The following TFDP2 variants were observed in gnomAD, a reference collection of about 807,000 sequenced individuals.
TFDP2 encodes the protein transcription factor Dp-2, also known as transcription factor Dp-2 (E2F dimerization partner 2).
TFDP2 carries 17 observed loss-of-function variants against 59.3 expected under a neutral mutation model. The ratio of observed to expected loss-of-function variants is 0.29; its 90% confidence interval spans 0.20 to 0.43. The LOEUF is 0.43. Among genes scored for constraint, TFDP2 ranks in the 20% least tolerant of loss-of-function variants. The probability of loss-of-function intolerance (pLI) is 1.00; values close to 1 mark genes in which losing one functional copy is unlikely to be tolerated. For missense variants in TFDP2, 391 were observed against 528.8 expected, an observed-to-expected ratio of 0.74 and a Z score of 2.56; for synonymous variants, 180 against 194.7, an observed-to-expected ratio of 0.92 and a Z score of 0.63.
rs1935856473 is a variant in TFDP2 at position 141,950,723 on chromosome 3, G to A, written c.*1790C>T. 1 of 152,588 alleles carries A rather than the reference G, an allele frequency of 6.6e-6. No homozygotes were observed. 9.5% of individuals were successfully genotyped at this position (152,588 alleles called of 1,614,324 possible). On this transcript the variant is annotated 3_prime_UTR_variant, in exon 13 of 13. Transcript: ENST00000489671. ...GCCCCTTAAAGGACAGTTTGGTTTG[G>A]AGGGAAATCCCAATCCGTGCAGCTG...
intron 3 of TFDP2, among the ~76,000 whole-genome samples, chr3:142,053,164 T>G (rs753626080): frequency 1.3e-5 from 2 of 152,174 alleles, no homozygotes. Flanking sequence ...ATTGAAAAAC[T>G]GCACATTAAG....
At chr3:142,116,028 A>G (rs2061842584) in intron 1 of TFDP2, among the ~76,000 whole-genome samples, 1 of 151,900 alleles carries the variant, frequency 6.6e-6, no homozygotes, top group African/African-American at 2.4e-5. Flanking sequence ...AAGTTGGGCT[A>G]CGGGTAAATG....
intron 3 of TFDP2, among the ~76,000 whole-genome samples, chr3:142,032,100 CT>C (rs1215703721): frequency 9.9e-5 from 14 of 141,628 alleles, no homozygotes; most frequent in African/African-American, 1.0e-4. Context: ...CTCTCTCTCT[CT>C]TTTTTTTTTA....
intron 1 of TFDP2, among the ~76,000 whole-genome samples, chr3:142,146,760 GGA>G (rs2063194661): frequency 6.6e-6 from 1 of 152,140 alleles, no homozygotes; most frequent in Admixed American, 6.5e-5. Flanking sequence ...AGTTCTGTGA[GGA>G]GATGTGAATG....
At chr3:141,975,950 A>G (rs993087855) in intron 7 of TFDP2, among the ~76,000 whole-genome samples, 2 of 151,574 alleles carry the variant, frequency 1.3e-5, no homozygotes, top group African/African-American at 4.8e-5. Flanking sequence ...GTGAGATCTC[A>G]GCTCACTGCA....
At chr3:142,003,064 G>A (rs539883712) in intron 4 of TFDP2, among the ~76,000 whole-genome samples, 49 of 151,370 alleles carry the variant, frequency 3.2e-4, no homozygotes, top group African/African-American at 1.0e-3. Flanking sequence ...GTACAGTGCC[G>A]CGATCTCTGC....
rs956609826 is a variant in TFDP2, at chr3:141,950,243, G to A, written c.*2270C>T. ...TGAACAGCTCAACCTAGTTTCTAAA[G>A]GCAAGATTTTACTCCAGCGACATGT... On this transcript the variant is annotated 3_prime_UTR_variant, in exon 13 of 13. Coordinates refer to ENST00000489671, the MANE Select transcript of TFDP2 (RefSeq NM_001178139.2). 6.6e-6 allele frequency: 1 copy of A among 152,144 alleles called. No homozygotes were observed. The highest frequency in any genetic ancestry group is 1.5e-5 in the Non-Finnish European group (1 of 68,050). The allele number at this position is 152,144 out of a possible 1,614,324, so 9.4% of individuals were successfully genotyped here.
rs201208564 is a variant in TFDP2, at chr3:142,074,776, C to T, written c.82+18285G>A. ...CTGAGGCATGAGAATCACTTGAACC[C>T]GGGAGGCAGAGGTTGCAGTGAGCCG... On this transcript the variant is annotated intron_variant, in intron 3 of 12. Coordinates refer to ENST00000489671, the MANE Select transcript of TFDP2 (RefSeq NM_001178139.2). Among the ~76,000 whole-genome samples the T allele has an allele frequency of 1.7e-4, 26 of 152,192 alleles. No homozygotes were observed. The East Asian group carries it at 4.4e-3, about 26-fold the overall frequency.
chr3:142,147,070 A>AG (rs2063207338), intron 1 of TFDP2, among the ~76,000 whole-genome samples: 2 of 151,982 alleles, frequency 1.3e-5, no homozygotes, highest in South Asian at 4.2e-4. Flanking sequence ...AAAAAAAAAA[A>AG]AAAAAGAATT....
At chr3:142,043,651 A>C (rs940132566) in intron 3 of TFDP2, 8 of 939,628 alleles carry the variant, frequency 8.5e-6, no homozygotes, top group Non-Finnish European at 1.1e-5. Flanking sequence ...CTCCTTAGAC[A>C]AAGTCTTGAT....
intron 3 of TFDP2, among the ~76,000 whole-genome samples, chr3:142,055,094 T>C (rs2059695055): frequency 1.3e-5 from 2 of 152,206 alleles, no homozygotes; most frequent in South Asian, 4.1e-4. Context: ...ACATCCACTT[T>C]TGATCCTGCA....
At chr3:142,114,139 C>T (rs62284572) in intron 1 of TFDP2, among the ~76,000 whole-genome samples, 23,053 of 150,516 alleles carry the variant, frequency 0.15, 1,969 homozygotes, top group East Asian at 0.24. Context: ...CACTCCAGCC[C>T]GGGCGACAAA....
chr3:142,148,579 T>C (rs1577089522), intron 1 of TFDP2, among the ~76,000 whole-genome samples: 1 of 152,198 alleles, frequency 6.6e-6, no homozygotes, highest in Admixed American at 6.5e-5. Flanking sequence ...CACAGGCTGG[T>C]AAGAGAGACT....
intron 3 of TFDP2, among the ~76,000 whole-genome samples, chr3:142,061,144 T>C (rs1180797844): frequency 6.6e-6 from 1 of 152,202 alleles, no homozygotes; most frequent in Non-Finnish European, 1.5e-5. Context: ...AGTTATAATA[T>C]CCTTTGATAT....
intron 3 of TFDP2, among the ~76,000 whole-genome samples, chr3:142,086,983 T>C (rs1157346265): frequency 6.6e-6 from 1 of 152,216 alleles, no homozygotes; most frequent in Admixed American, 6.5e-5. Flanking sequence ...TTAGGAGTTC[T>C]GTGTCAGGAA....
intron 3 of TFDP2, among the ~76,000 whole-genome samples, chr3:142,071,167 T>C (rs2060235553): frequency 2.0e-5 from 3 of 152,086 alleles, no homozygotes; most frequent in African/African-American, 7.2e-5. Flanking sequence ...AGGAGTTTTT[T>C]TTTTTTTGAG....
chr3:141,993,398 C>A, intron 6 of TFDP2, 140 bp downstream of exon 6: 2 of 523,090 alleles, frequency 3.8e-6, no homozygotes, highest in Non-Finnish European at 6.9e-6. Context: ...GCACTCAATG[C>A]AGAATGAAAT....
chr3:142,095,752 TA>T (rs2108628363), intron 2 of TFDP2, among the ~76,000 whole-genome samples: 1 of 152,336 alleles, frequency 6.6e-6, no homozygotes, highest in Non-Finnish European at 1.5e-5. Context: ...CCATTACTAA[TA>T]ACTCCCCCCT....
intron 3 of TFDP2, among the ~76,000 whole-genome samples, chr3:142,026,408 G>C (rs994171362): frequency 1.3e-5 from 2 of 152,078 alleles, no homozygotes; most frequent in Admixed American, 6.6e-5. Context: ...TTAATAATCT[G>C]CTTGAATGTT....
Sources: gnomAD v4.1 joint callset for allele counts (sites outside exome capture counted in the v4.1 genomes callset) on GRCh38, gnomAD v4.1.1 for gene constraint, MANE v1.5 for transcripts, NCBI Gene and HGNC (gene_info 2026-07-23, HGNC 2026-07-21) for gene names.